The following ENTPD1 variants were observed in gnomAD, a reference collection of about 807,000 sequenced individuals.
ENTPD1 encodes ectonucleoside triphosphate diphosphohydrolase 1.
ENTPD1 carries 33 observed loss-of-function variants against 57.0 expected under a neutral mutation model. The observed-to-expected ratio is 0.58, with a 90% CI of 0.44 to 0.77. The LOEUF is 0.77. ENTPD1 is among the 30% of genes least tolerant of loss of function. The pLI, the probability that ENTPD1 is intolerant of heterozygous loss-of-function variation, is 0.00. For missense variants in ENTPD1, 501 were observed against 603.4 expected (o/e 0.83, Z 1.78); for synonymous variants, 202 against 218.8 (o/e 0.92, Z 0.68).
the ENTPD1 span, among the ~76,000 whole-genome samples, chr10:95,701,408 G>A: frequency 1.3e-5 from 2 of 152,214 alleles, no homozygotes; most frequent in Non-Finnish European, 2.9e-5. Context: ...ATGAATCCTT[G>A]TGGATCTAAA....
intron 1 of ENTPD1, among the ~76,000 whole-genome samples, chr10:95,801,090 T>A (rs2098247619): frequency 6.6e-6 from 1 of 152,228 alleles, no homozygotes; most frequent in Admixed American, 6.5e-5. Flanking sequence ...TGGGAACTGA[T>A]AAATGTCCAT....
intron 1 of ENTPD1, among the ~76,000 whole-genome samples, chr10:95,759,403 A>T (rs2098046019): frequency 6.6e-6 from 1 of 152,230 alleles, no homozygotes; most frequent in Non-Finnish European, 1.5e-5. Context: ...GCCAAACTGG[A>T]GATTTCAGAT....
At chr10:95,725,866 A>G (rs538730600) in intron 1 of ENTPD1, among the ~76,000 whole-genome samples, 87 of 152,324 alleles carry the variant, frequency 5.7e-4, no homozygotes, top group African/African-American at 1.9e-3. Context: ...TGGTTGGTAC[A>G]CTTCACATCC....
At chr10:95,860,859 G>A (rs1349467970) in intron 8 of ENTPD1, among the ~76,000 whole-genome samples, 1 of 152,220 alleles carries the variant, frequency 6.6e-6, no homozygotes, top group African/African-American at 2.4e-5. Flanking sequence ...CTCTATCTCA[G>A]CCATTGCTTC....
chr10:95,837,102 C>T (rs192292679), intron 2 of ENTPD1, among the ~76,000 whole-genome samples: 14 of 152,324 alleles, frequency 9.2e-5, no homozygotes, highest in Non-Finnish European at 1.6e-4. Flanking sequence ...GTTTTTGTTT[C>T]TCAACTACCT....
At chr10:95,822,566 A>T (rs1023902740) in intron 1 of ENTPD1, among the ~76,000 whole-genome samples, 9 of 152,246 alleles carry the variant, frequency 5.9e-5, no homozygotes, top group Non-Finnish European at 7.3e-5. Flanking sequence ...AAGTGCTGGG[A>T]CTACAGGTGT....
intron 1 of ENTPD1, among the ~76,000 whole-genome samples, chr10:95,736,127 AG>A (rs1267950330): frequency 6.6e-6 from 1 of 151,462 alleles, no homozygotes; most frequent in Non-Finnish European, 1.5e-5. Flanking sequence ...CAGCCTCCAG[AG>A]TAGCTGGGAT....
chr10:95,820,014 C>T (rs1589999763), intron 1 of ENTPD1, among the ~76,000 whole-genome samples: 1 of 152,240 alleles, frequency 6.6e-6, no homozygotes, highest in East Asian at 1.9e-4. Context: ...TCTGAAAGCA[C>T]TCTGGGGGTC....
chr10:95,828,519 T>C (rs761252317), intron 2 of ENTPD1, among the ~76,000 whole-genome samples: 3 of 152,048 alleles, frequency 2.0e-5, no homozygotes, highest in Admixed American at 2.0e-4. Context: ...TGTGGAAAAA[T>C]TGTCCTCCAA....
chr10:95,735,436 C>T (rs987336785), intron 1 of ENTPD1, among the ~76,000 whole-genome samples: 5 of 152,058 alleles, frequency 3.3e-5, no homozygotes, highest in Admixed American at 6.6e-5. Flanking sequence ...CACAAGTATG[C>T]GTAGTATTTC....
At chr10:95,694,700 T>G in the ENTPD1 span, among the ~76,000 whole-genome samples, 2 of 151,908 alleles carry the variant, frequency 1.3e-5, no homozygotes, top group Non-Finnish European at 2.9e-5. Context: ...TAATGGCAAA[T>G]TTTTTAAGCC....
chr10:95,777,583 G>A (rs1262741858), intron 1 of ENTPD1, among the ~76,000 whole-genome samples: 1 of 152,234 alleles, frequency 6.6e-6, no homozygotes, highest in Non-Finnish European at 1.5e-5. Context: ...ACTGGGAGGT[G>A]TCTCCCAGTT....
intron 7 of ENTPD1, among the ~76,000 whole-genome samples, chr10:95,856,285 A>T (rs12360382): frequency 0.27 from 40,881 of 152,090 alleles, 6,341 homozygotes; most frequent in Admixed American, 0.38. Flanking sequence ...TTAAAACCAC[A>T]GTGAGACACT....
the ENTPD1 span, among the ~76,000 whole-genome samples, chr10:95,701,846 A>G: frequency 6.6e-6 from 1 of 152,156 alleles, no homozygotes; most frequent in East Asian, 1.9e-4. Flanking sequence ...GTTAAAAGAA[A>G]ATAAACACAA....
intron 2 of ENTPD1, among the ~76,000 whole-genome samples, chr10:95,825,433 G>C (rs2098371241): frequency 6.6e-6 from 1 of 152,180 alleles, no homozygotes; most frequent in Non-Finnish European, 1.5e-5. Context: ...AATATCATGG[G>C]CTACTAAACT....
At chr10:95,796,291 G>C (rs1229308006) in intron 1 of ENTPD1, among the ~76,000 whole-genome samples, 1 of 152,146 alleles carries the variant, frequency 6.6e-6, no homozygotes, top group Non-Finnish European at 1.5e-5. Flanking sequence ...ATTGTGAGAA[G>C]GGTGCTATGA....
chr10:95,868,229 A>C lies in ENTPD1; in HGVS notation c.*1846A>C, dbSNP rs1380851204. On this transcript the variant is annotated 3_prime_UTR_variant, in exon 10 of 10. Transcript: ENST00000371205. ...AAAGCCTACCATGTACCTAACCTTT[A>C]TTTTCTTTCCCGAACATACCAGGCT... 3 of 985,310 alleles carry C rather than the reference A, an allele frequency of 3.0e-6. No homozygotes were observed. Among genetic ancestry groups the C allele is most frequent in the Admixed American group, 6.2e-5 (1 of 16,260 alleles). The allele number at this position is 985,310 out of a possible 1,614,324, so 61.0% of individuals were successfully genotyped here.
chr10:95,820,967 C>G (rs1185947533), intron 1 of ENTPD1, among the ~76,000 whole-genome samples: 2 of 152,146 alleles, frequency 1.3e-5, no homozygotes, highest in Non-Finnish European at 1.5e-5. Flanking sequence ...AAGAAGTTAA[C>G]AAGTAGACCT....
intron 1 of ENTPD1, among the ~76,000 whole-genome samples, chr10:95,740,078 T>A (rs1182008747): frequency 2.6e-5 from 4 of 152,170 alleles, no homozygotes; most frequent in African/African-American, 7.2e-5. Context: ...AGATTTACAG[T>A]CATCCAGGCT....
Sources: gnomAD v4.1 joint callset for allele counts (sites outside exome capture counted in the v4.1 genomes callset) on GRCh38, gnomAD v4.1.1 for gene constraint, MANE v1.5 for transcripts, NCBI Gene and HGNC (gene_info 2026-07-23, HGNC 2026-07-21) for gene names.